The following DEPTOR variants were observed in gnomAD, a reference collection of about 807,000 sequenced individuals.
DEPTOR encodes the protein DEP domain-containing mTOR-interacting protein.
Under a neutral mutation model 41.6 loss-of-function variants are expected in DEPTOR, and 41 were observed. The ratio of observed to expected loss-of-function variants is 0.98; its 90% CI spans 0.77 to 1.28. The LOEUF (loss-of-function observed/expected upper bound fraction) is 1.28, where lower values mean the gene tolerates loss of function less well. Among genes scored for constraint, DEPTOR ranks in the 50% most tolerant of loss-of-function variants. The pLI is 0.00. For missense variants in DEPTOR, 514 were observed against 527.9 expected (o/e 0.97, Z 0.26); for synonymous variants, 195 against 192.3 (o/e 1.01, Z -0.12).
chr8:119,975,832 C>T (rs1433859942), intron 4 of DEPTOR, among the ~76,000 whole-genome samples: 2 of 146,512 alleles, frequency 1.4e-5, no homozygotes, highest in Admixed American at 6.8e-5. Flanking sequence ...CCCTTCCTCT[C>T]TATCATGGCT....
intron 7 of DEPTOR, among the ~76,000 whole-genome samples, chr8:120,007,083 A>T (rs1047566430): frequency 6.6e-6 from 1 of 152,252 alleles, no homozygotes; most frequent in Non-Finnish European, 1.5e-5. Context: ...TATACCATTT[A>T]AAAATTTTTT....
At chr8:120,019,615 T>A (rs569900096) in intron 8 of DEPTOR, among the ~76,000 whole-genome samples, 3 of 152,318 alleles carry the variant, frequency 2.0e-5, no homozygotes, top group East Asian at 3.9e-4. Flanking sequence ...TAGGGATATG[T>A]GTGGTGTCTT....
intron 1 of DEPTOR, among the ~76,000 whole-genome samples, chr8:119,892,817 C>T (rs1476996254): frequency 5.9e-5 from 9 of 151,918 alleles, no homozygotes; most frequent in African/African-American, 2.2e-4. Flanking sequence ...GAGTCTCGCC[C>T]TGTTGCCCAG....
chr8:119,994,634 T>G (rs891597465), intron 4 of DEPTOR, among the ~76,000 whole-genome samples: 6 of 152,068 alleles, frequency 3.9e-5, no homozygotes, highest in Non-Finnish European at 5.9e-5. Context: ...TAAAGAAAGT[T>G]AGGCCAGGCG....
chr8:119,880,095 T>C (rs12679937), intron 1 of DEPTOR, among the ~76,000 whole-genome samples: 74,726 of 150,996 alleles, frequency 0.49, 20,128 homozygotes, highest in East Asian at 0.92. Context: ...TGAGCCGAGA[T>C]TGCGCCACTG....
chr8:120,014,803 G>A (rs7813934), intron 8 of DEPTOR, among the ~76,000 whole-genome samples: 2,077 of 152,058 alleles, frequency 0.014, 44 homozygotes, highest in African/African-American at 0.047. Flanking sequence ...GATTACAGGC[G>A]TAAACCACCA....
intron 8 of DEPTOR, among the ~76,000 whole-genome samples, chr8:120,035,320 G>GA (rs1812963740): frequency 1.6e-5 from 2 of 128,374 alleles, no homozygotes; most frequent in Admixed American, 7.3e-5. Context: ...ACCCTGCCCA[G>GA]AAAAAAAAGA....
At chr8:119,958,950 A>G (rs1318196744) in intron 3 of DEPTOR, among the ~76,000 whole-genome samples, 2 of 152,190 alleles carry the variant, frequency 1.3e-5, no homozygotes, top group Non-Finnish European at 2.9e-5. Context: ...TACTGTGTCC[A>G]TCTTTGCATA....
chr8:120,001,781 T>C, intron 5 of DEPTOR, 71 bp downstream of exon 5: 1 of 1,496,162 alleles, frequency 6.7e-7, no homozygotes, highest in Non-Finnish European at 9.0e-7. Flanking sequence ...ATGACTCACC[T>C]TTGTGAAATT....
intron 4 of DEPTOR, among the ~76,000 whole-genome samples, chr8:119,987,423 C>T (rs1464506439): frequency 6.6e-6 from 1 of 152,184 alleles, no homozygotes; most frequent in Non-Finnish European, 1.5e-5. Context: ...AGAGGGGCAC[C>T]TGCCAGATGC....
At chr8:119,951,292 C>A (rs972236299) in intron 3 of DEPTOR, among the ~76,000 whole-genome samples, 1 of 152,152 alleles carries the variant, frequency 6.6e-6, no homozygotes, top group Non-Finnish European at 1.5e-5. Flanking sequence ...AACCCAGCTT[C>A]CCTTGACATT....
At chr8:119,896,078 C>T (rs1463964367) in intron 1 of DEPTOR, among the ~76,000 whole-genome samples, 1 of 151,014 alleles carries the variant, frequency 6.6e-6, no homozygotes, top group African/African-American at 2.4e-5. Flanking sequence ...ATTTTTTTTG[C>T]AGTATTTATG....
At chr8:119,965,108 AC>A in intron 3 of DEPTOR, 123 bp from the exon 4 acceptor site, 1 of 1,042,348 alleles carries the variant, frequency 9.6e-7, no homozygotes, top group African/African-American at 1.6e-5. Context: ...GTGTGGTGGC[AC>A]CTGACAGCTG....
intron 1 of DEPTOR, among the ~76,000 whole-genome samples, chr8:119,915,735 CAGTT>C (rs1827802190): frequency 6.6e-6 from 1 of 152,108 alleles, no homozygotes; most frequent in African/African-American, 2.4e-5. Flanking sequence ...TTTTGGTTAT[CAGTT>C]AGGTTGATAC....
At chr8:119,937,798 A>G (rs113573844) in intron 3 of DEPTOR, among the ~76,000 whole-genome samples, 2,382 of 152,272 alleles carry the variant, frequency 0.016, 64 homozygotes, top group African/African-American at 0.055. Flanking sequence ...CATAGTTCTC[A>G]CAGAACAGCA....
intron 3 of DEPTOR, among the ~76,000 whole-genome samples, chr8:119,959,661 G>A (rs1828465104): frequency 6.6e-6 from 1 of 151,786 alleles, no homozygotes; most frequent in African/African-American, 2.4e-5. Context: ...CACCACAGTA[G>A]CTGGGATTAC....
At chr8:119,978,536 A>C (rs1298817824) in intron 4 of DEPTOR, among the ~76,000 whole-genome samples, 2 of 152,178 alleles carry the variant, frequency 1.3e-5, no homozygotes, top group Non-Finnish European at 2.9e-5. Context: ...AAGGGGACCA[A>C]AAGTTGAGAG....
At chr8:120,028,682 C>T (rs573383347) in intron 8 of DEPTOR, among the ~76,000 whole-genome samples, 1 of 151,572 alleles carries the variant, frequency 6.6e-6, no homozygotes, top group South Asian at 2.1e-4. Flanking sequence ...AGGCTGGTTT[C>T]GAACTCCTGA....
At chr8:119,969,411 A>G (rs1201893445) in intron 4 of DEPTOR, among the ~76,000 whole-genome samples, 4 of 150,272 alleles carry the variant, frequency 2.7e-5, no homozygotes, top group South Asian at 4.2e-4. Flanking sequence ...CTGGAGTGCA[A>G]TGGTGCGATC....
Sources: gnomAD v4.1 joint callset for allele counts (sites outside exome capture counted in the v4.1 genomes callset) on GRCh38, gnomAD v4.1.1 for gene constraint, MANE v1.5 for transcripts, NCBI Gene and HGNC (gene_info 2026-07-23, HGNC 2026-07-21) for gene names.